Variants in CACNA1E observed in about 807,000 individuals in gnomAD.
The protein encoded by CACNA1E is voltage-dependent R-type calcium channel subunit alpha-1E.
A neutral mutation model predicts 259.2 loss-of-function variants in CACNA1E; 40 were observed. That is an observed-to-expected ratio of 0.15 (90% confidence interval 0.12 to 0.20). CACNA1E has a LOEUF of 0.20. Ranked by LOEUF, CACNA1E falls within the 10% of genes least tolerant of loss-of-function variation. The probability of loss-of-function intolerance (pLI) is 1.00; values close to 1 mark genes in which losing one functional copy is unlikely to be tolerated. For missense variants in CACNA1E, 1,874 were observed against 3,040.1 expected (o/e 0.62, Z 9.02); for synonymous variants, 1,104 against 1,138.5 (o/e 0.97, Z 0.61).
chr1:181,472,132 A>C (rs531535294), intron 2 of CACNA1E, among the ~76,000 whole-genome samples: 16 of 150,536 alleles, frequency 1.1e-4, no homozygotes, highest in Non-Finnish European at 8.8e-5. Flanking sequence ...GACCTGGAGG[A>C]CATTATGCTA....
intron 6 of CACNA1E, among the ~76,000 whole-genome samples, chr1:181,581,559 AG>A (rs1651545097): frequency 6.6e-6 from 1 of 152,174 alleles, no homozygotes; most frequent in South Asian, 2.1e-4. Context: ...GCTGCCTGTC[AG>A]GGATGTTGGG....
At chr1:181,609,358 C>T (rs1295630673) in intron 6 of CACNA1E, among the ~76,000 whole-genome samples, 1 of 152,120 alleles carries the variant, frequency 6.6e-6, no homozygotes, top group Non-Finnish European at 1.5e-5. Flanking sequence ...TTTCAAGCCT[C>T]TTGCTTTGAG....
intron 3 of CACNA1E, among the ~76,000 whole-genome samples, chr1:181,537,937 A>G (rs568905904): frequency 1.3e-5 from 2 of 152,388 alleles, no homozygotes; most frequent in African/African-American, 4.8e-5. Context: ...TTAGCATAGT[A>G]CCTGAAATAT....
intron 3 of CACNA1E, among the ~76,000 whole-genome samples, chr1:181,549,234 A>G (rs1217016082): frequency 2.0e-5 from 3 of 152,192 alleles, no homozygotes; most frequent in Non-Finnish European, 4.4e-5. Flanking sequence ...TCTTAACACC[A>G]CAGCTCCATC....
At chr1:181,669,460 CT>C (rs1648575704) in intron 7 of CACNA1E, among the ~76,000 whole-genome samples, 1 of 152,214 alleles carries the variant, frequency 6.6e-6, no homozygotes, top group African/African-American at 2.4e-5. Flanking sequence ...GACTGGGGAA[CT>C]CTGACTCATC....
intron 2 of CACNA1E, among the ~76,000 whole-genome samples, chr1:181,456,741 C>T (rs1184912061): frequency 6.6e-6 from 1 of 152,156 alleles, no homozygotes. Context: ...AATTCATGTT[C>T]ACCCTCTCTG....
chr1:181,509,037 G>T (rs1489923199), intron 1 of CACNA1E, among the ~76,000 whole-genome samples: 1 of 152,148 alleles, frequency 6.6e-6, no homozygotes, highest in Non-Finnish European at 1.5e-5. Flanking sequence ...ATGGTGGTCA[G>T]CTGCTGGCGA....
chr1:181,340,434 C>T (rs746286374), intron 1 of CACNA1E, among the ~76,000 whole-genome samples: 1 of 151,812 alleles, frequency 6.6e-6, no homozygotes, highest in East Asian at 1.9e-4. Flanking sequence ...CTTATTTATT[C>T]TTCCACATGA....
intron 3 of CACNA1E, among the ~76,000 whole-genome samples, chr1:181,534,779 G>A (rs1404855951): frequency 6.6e-6 from 1 of 152,112 alleles, no homozygotes; most frequent in Non-Finnish European, 1.5e-5. Context: ...ATTTTAAAGT[G>A]AGGCAAGCAG....
At chr1:181,704,033 A>T (rs1487641662) in intron 7 of CACNA1E, among the ~76,000 whole-genome samples, 3 of 152,314 alleles carry the variant, frequency 2.0e-5, no homozygotes, top group East Asian at 3.9e-4. Context: ...ATGACCCCAT[A>T]TGATGTCGTC....
intron 2 of CACNA1E, among the ~76,000 whole-genome samples, chr1:181,463,677 A>G (rs563501373): frequency 3.3e-5 from 5 of 152,182 alleles, no homozygotes; most frequent in African/African-American, 1.2e-4. Context: ...TGTTTTTCTT[A>G]TGATTTCTGA....
At chr1:181,535,422 C>T (rs1668093446) in intron 3 of CACNA1E, among the ~76,000 whole-genome samples, 1 of 152,102 alleles carries the variant, frequency 6.6e-6, no homozygotes. Context: ...AATTCACCAC[C>T]AACATCATCA....
rs1212533046 is a variant in CACNA1E at position 181,804,487 on chromosome 1, G to A, written c.*5653G>A. 6.6e-6 allele frequency: 1 copy of A among 152,138 alleles called. No individual in the cohort carries two copies. The highest frequency in any genetic ancestry group is 2.4e-5 in the African/African-American group (1 of 41,428). 9.4% of individuals were successfully genotyped at this position (152,138 alleles called of 1,614,324 possible). A position where few individuals can be genotyped will look rare whatever the true frequency, so the allele number is the denominator to read the frequency against. ...CCAAGGAGGTACAGAATTTTTTCAG[G>A]ACATCTTTAACCAATACAAAATTTA... is the stretch of plus-strand genomic sequence containing the variant. On this transcript the variant is annotated 3_prime_UTR_variant, in exon 48 of 48. Transcript: ENST00000367573.
At chr1:181,573,094 A>G (rs1650580378) in intron 3 of CACNA1E, among the ~76,000 whole-genome samples, 1 of 152,164 alleles carries the variant, frequency 6.6e-6, no homozygotes, top group Non-Finnish European at 1.5e-5. Flanking sequence ...TGATCTTACC[A>G]TTTATTAGCA....
chr1:181,715,927 C>T, intron 9 of CACNA1E, 113 bp from the exon 10 acceptor site: 1 of 684,638 alleles, frequency 1.5e-6, no homozygotes, highest in South Asian at 1.7e-5. Flanking sequence ...AGATAGATGC[C>T]TGTGTTACAG....
intron 40 of CACNA1E, 127 bp downstream of exon 40, chr1:181,783,911 C>A: frequency 3.3e-6 from 2 of 599,098 alleles, no homozygotes; most frequent in Admixed American, 2.6e-5. Flanking sequence ...GTCATCTGAA[C>A]ATCAAGTATC....
At chr1:181,685,158 G>A (rs1650389822) in intron 7 of CACNA1E, among the ~76,000 whole-genome samples, 1 of 149,830 alleles carries the variant, frequency 6.7e-6, no homozygotes, top group Non-Finnish European at 1.5e-5. Flanking sequence ...TTCCTCCCAG[G>A]AGCATGCTTA....
intron 2 of CACNA1E, among the ~76,000 whole-genome samples, chr1:181,450,597 G>T (rs988621776): frequency 6.6e-6 from 1 of 152,164 alleles, no homozygotes. Flanking sequence ...GGTTTTTAGA[G>T]CGCAGTAATA....
At chr1:181,402,416 G>C (rs766209613) in intron 1 of CACNA1E, among the ~76,000 whole-genome samples, 20 of 152,160 alleles carry the variant, frequency 1.3e-4, no homozygotes, top group Non-Finnish European at 2.4e-4. Flanking sequence ...TTTCCTCCCA[G>C]AGCAGAGCCA....
Sources: gnomAD v4.1 joint callset for allele counts (sites outside exome capture counted in the v4.1 genomes callset) on GRCh38, gnomAD v4.1.1 for gene constraint, MANE v1.5 for transcripts, NCBI Gene and HGNC (gene_info 2026-07-23, HGNC 2026-07-21) for gene names.